The following GORASP2 variants were observed in gnomAD, a reference collection of about 807,000 sequenced individuals.
GORASP2 encodes golgi reassembly stacking protein 2.
Under a neutral mutation model 45.7 loss-of-function variants are expected in GORASP2, and 22 were observed. The observed-to-expected ratio is 0.48, with a 90% CI of 0.34 to 0.69. The LOEUF is 0.69. Ranked by LOEUF, GORASP2 falls within the 30% of genes least tolerant of loss-of-function variation. The pLI, the probability that GORASP2 is intolerant of heterozygous loss-of-function variation, is 0.01. For missense variants in GORASP2, 491 were observed against 562.7 expected (o/e 0.87, Z 1.29); for synonymous variants, 221 against 215.6 (o/e 1.02, Z -0.22).
chr2:170,946,759 A>G (rs989748437), intron 1 of GORASP2, among the ~76,000 whole-genome samples: 11 of 113,018 alleles, frequency 9.7e-5, no homozygotes, highest in African/African-American at 3.0e-4. Context: ...TGGTGAAACC[A>G]TGCCTCTACA....
chr2:170,936,877 G>A (rs140100592), intron 1 of GORASP2: 24 of 243,636 alleles, frequency 9.9e-5, no homozygotes, highest in African/African-American at 4.2e-4. Flanking sequence ...TAACAGCAGC[G>A]TCTCTAAAAT....
chr2:170,958,949 C>T (rs544200872), intron 7 of GORASP2, among the ~76,000 whole-genome samples: 3 of 152,046 alleles, frequency 2.0e-5, no homozygotes, highest in East Asian at 3.9e-4. Flanking sequence ...GGATTACAGG[C>T]GTGAGCCACT....
intron 1 of GORASP2, among the ~76,000 whole-genome samples, chr2:170,946,768 C>CA (rs10692734): frequency 0.83 from 87,418 of 105,096 alleles, 37,144 homozygotes; most frequent in East Asian, 0.97. Flanking sequence ...CATGCCTCTA[C>CA]AAAAAAAAAA....
chr2:170,949,442 A>G, intron 2 of GORASP2, 97 bp from the exon 3 acceptor site: 1 of 755,320 alleles, frequency 1.3e-6, no homozygotes, highest in Non-Finnish European at 2.2e-6. Flanking sequence ...TGTTTTATTT[A>G]TGTTGATTAT....
At chr2:170,933,465 A>G (rs1476572378) in intron 1 of GORASP2, among the ~76,000 whole-genome samples, 1 of 152,190 alleles carries the variant, frequency 6.6e-6, no homozygotes, top group Non-Finnish European at 1.5e-5. Flanking sequence ...AAATTGTTAA[A>G]CAAATCAGGG....
intron 8 of GORASP2, 135 bp from the exon 9 acceptor site, chr2:170,962,704 A>G (rs979826754): frequency 4.7e-6 from 3 of 643,366 alleles, no homozygotes; most frequent in African/African-American, 1.8e-5. Flanking sequence ...TTGTTATGAT[A>G]CACAGCTGCC....
At chr2:170,962,557 G>A (rs1030386953) in intron 8 of GORASP2, among the ~76,000 whole-genome samples, 35 of 152,108 alleles carry the variant, frequency 2.3e-4, no homozygotes, top group African/African-American at 7.7e-4. Context: ...CAAGGCGCTC[G>A]GGCCATCATC....
At chr2:170,956,705 C>G (rs1317569904) in intron 7 of GORASP2, 146 bp downstream of exon 7, 1 of 618,092 alleles carries the variant, frequency 1.6e-6, no homozygotes, top group Non-Finnish European at 2.7e-6. Flanking sequence ...CTCAGGAGTT[C>G]TAAACCAGCA....
At chr2:170,932,079 T>G (rs1369744260) in intron 1 of GORASP2, among the ~76,000 whole-genome samples, 1 of 152,138 alleles carries the variant, frequency 6.6e-6, no homozygotes, top group East Asian at 1.9e-4. Flanking sequence ...TATAAAAAAT[T>G]AGCCGGGCAT....
chr2:170,931,429 G>A (rs1703820725), intron 1 of GORASP2, among the ~76,000 whole-genome samples: 1 of 152,130 alleles, frequency 6.6e-6, no homozygotes, highest in Non-Finnish European at 1.5e-5. Context: ...TGCCTAAATG[G>A]ACAGCGATAT....
At chr2:170,950,041 C>A (rs1434248702) in intron 3 of GORASP2, 163 bp from the exon 4 acceptor site, 1 of 538,880 alleles carries the variant, frequency 1.9e-6, no homozygotes, top group Non-Finnish European at 3.3e-6. Context: ...TTTTTATGCT[C>A]AGAAGTTTAA....
chr2:170,951,554 GTTTAT>G (rs1255807900), intron 5 of GORASP2, 96 bp downstream of exon 5: 7 of 1,018,528 alleles, frequency 6.9e-6, no homozygotes, highest in South Asian at 1.8e-5. Flanking sequence ...GAAATTACTG[GTTTAT>G]TTTAAGACTC....
intron 7 of GORASP2, among the ~76,000 whole-genome samples, chr2:170,956,764 A>G (rs984981384): frequency 1.3e-5 from 2 of 152,058 alleles, no homozygotes; most frequent in African/African-American, 4.8e-5. Context: ...ACTTTTTTTA[A>G]TTAGCCAGGT....
intron 1 of GORASP2, chr2:170,936,660 TA>T: frequency 7.7e-7 from 1 of 1,298,394 alleles, no homozygotes; most frequent in Non-Finnish European, 1.0e-6. Flanking sequence ...TTGTCAGAAA[TA>T]AGGAAGCTTA....
intron 6 of GORASP2, among the ~76,000 whole-genome samples, chr2:170,955,126 G>A (rs1322392257): frequency 6.6e-6 from 1 of 152,142 alleles, no homozygotes; most frequent in African/African-American, 2.4e-5. Context: ...AGCAAAGGAA[G>A]CTCAGCAGGA....
At chr2:170,965,695 TC>T in intron 9 of GORASP2, 94 bp from the exon 10 acceptor site, 3 of 880,722 alleles carry the variant, frequency 3.4e-6, no homozygotes, top group Non-Finnish European at 5.6e-6. Flanking sequence ...AACTTCAGTT[TC>T]CTTAATGAAA....
In GORASP2 at chr2:170,965,875, C is replaced by T; in HGVS notation, c.1104C>T (p.Phe368=). The T allele has an allele frequency of 1.2e-6, 2 of 1,614,042 alleles. No individual in the cohort carries two copies. Among genetic ancestry groups the T allele is most frequent in the South Asian group, 1.1e-5 (1 of 91,078 alleles). Residue 368 remains phenylalanine (F), a synonymous_variant, in exon 10 of 10, where the codon TTC becomes TTT. Transcript: ENST00000234160. ...LPLPSEFLPS[F]PLVPESSSAA... is the part of the protein sequence containing the mutation. The stretch of plus-strand genomic sequence containing the variant: ...TGCCATCCGAGTTCCTCCCGTCATT[C>T]CCCTTGGTTCCAGAGAGCTCTTCTG...
intron 5 of GORASP2, 129 bp downstream of exon 5, chr2:170,951,587 A>C (rs1003990006): frequency 2.1e-5 from 16 of 752,180 alleles, no homozygotes; most frequent in African/African-American, 3.6e-5. Context: ...AAAAAAGGGA[A>C]GAGCTAGTCT....
upstream of GORASP2, chr2:170,928,919 C>G (rs1016144628): frequency 6.2e-6 from 1 of 162,172 alleles, no homozygotes; most frequent in Non-Finnish European, 1.3e-5. Flanking sequence ...CTTTCCCCGC[C>G]TCTGGCCACC....
Sources: allele counts gnomAD v4.1 joint callset (sites outside exome capture counted in the v4.1 genomes callset), GRCh38; gene constraint gnomAD v4.1.1; transcripts MANE v1.5; gene names NCBI Gene and HGNC (gene_info 2026-07-23, HGNC 2026-07-21).